The following GARS1 variants were observed in gnomAD, a reference collection of about 807,000 sequenced individuals.
GARS1 encodes glycine--tRNA ligase.
In GARS1, 46 loss-of-function variants were observed where a neutral mutation model predicts 86.4. The observed-to-expected ratio is 0.53, with a 90% confidence interval of 0.42 to 0.68. GARS1 has a LOEUF of 0.68. GARS1 is among the 30% of genes least tolerant of loss of function. GARS1 has a pLI of 0.00. For synonymous variants in GARS1, 342 were observed against 329.8 expected (o/e 1.04, Z -0.40); for missense variants, 797 against 915.6 (o/e 0.87, Z 1.67).
chr7:30,601,109 A>C lies in GARS1; in HGVS notation c.478A>C (p.Asn160His). ...GCCAGTTGGCTGTGCTTTGAAGAAC[A>C]ATATTATTCAGACCTGGAGGCAGCA... is the stretch of plus-strand genomic sequence containing the variant. ...FGPVGCALKNNIIQTWRQHFI... is the reference protein window; with the variant it reads ...FGPVGCALKNHIIQTWRQHFI... Residue 160 changes from asparagine (N) to histidine (H), a missense_variant, in exon 4 of 17, where the codon AAT becomes CAT. By Grantham distance (68) the Asn-to-His change is moderately conservative (BLOSUM62 1). Transcript: ENST00000389266. 6.2e-7 allele frequency: 1 copy of C among 1,614,058 alleles called. No individual in the cohort carries two copies.
chr7:30,628,597 C>G lies in GARS1; in HGVS notation c.1737C>G (p.Phe579Leu). 1 of 1,612,958 alleles carries G rather than the reference C, an allele frequency of 6.2e-7. No homozygotes were observed. Among genetic ancestry groups the G allele is most frequent in the Non-Finnish European group, 8.5e-7 (1 of 1,179,090 alleles). The change falls in exon 14 of 17, where the codon TTC (phenylalanine) becomes TTG (leucine). Residue 579 changes from phenylalanine to leucine, a missense_variant. Physicochemically the swap from Phe to Leu is conservative, Grantham distance 22 (BLOSUM62 0). This residue lies in a region of GARS1 where 598 missense variants were observed against 738.7 expected (regional missense o/e 0.81). Coordinates refer to ENST00000389266, the MANE Select transcript of GARS1 (RefSeq NM_002047.4). ...EVVPNVIEPSFGLGRIMYTVF... is the reference protein window; with the variant it reads ...EVVPNVIEPSLGLGRIMYTVF... ...TTCCGAATGTAATTGAACCTTCCTT[C>G]GGCCTGGGTAGGATCATGTATACGG...
At chr7:30,627,023 C>T (rs1453260353) in intron 13 of GARS1, 2 of 446,538 alleles carry the variant, frequency 4.5e-6, no homozygotes, top group Admixed American at 2.7e-5. Context: ...ATGTTGCATG[C>T]TTTTTTAAAA....
In GARS1 at chr7:30,633,917, C is replaced by G. The variant is rs1783288253; in HGVS notation, c.*57C>G. The stretch of plus-strand genomic sequence containing the variant: ...CTAATAAAAAAAAAAAAAAACTACT[C>G]TTATGTCCACTTTACAAAAGAAAAC... On this transcript the variant is annotated 3_prime_UTR_variant, in exon 17 of 17. Transcript: ENST00000389266. 1 of 1,496,830 alleles carries G rather than the reference C, an allele frequency of 6.7e-7. No individual in the cohort carries two copies. Among genetic ancestry groups the G allele is most frequent in the South Asian group, 1.2e-5 (1 of 86,464 alleles). 92.7% of individuals were successfully genotyped at this position (1,496,830 alleles called of 1,614,324 possible).
chr7:30,609,517 TATA>T, intron 6 of GARS1, 65 bp from the exon 7 acceptor site: 2 of 1,352,496 alleles, frequency 1.5e-6, no homozygotes. Context: ...TAGGGTTATA[TATA>T]ATACTTTATA....
At chr7:30,611,247 A>C (rs370677515) in intron 7 of GARS1, among the ~76,000 whole-genome samples, 1 of 152,182 alleles carries the variant, frequency 6.6e-6, no homozygotes, top group Non-Finnish European at 1.5e-5. Context: ...GATTTGAAAA[A>C]CATTGAAAAT....
intron 7 of GARS1, among the ~76,000 whole-genome samples, chr7:30,610,096 C>T (rs1791567254): frequency 6.6e-6 from 1 of 152,162 alleles, no homozygotes; most frequent in African/African-American, 2.4e-5. Flanking sequence ...TCCAACGGAA[C>T]TTTCTGCAGT....
At chr7:30,628,055 C>T (rs1359635576) in intron 13 of GARS1, among the ~76,000 whole-genome samples, 3 of 152,144 alleles carry the variant, frequency 2.0e-5, no homozygotes, top group Non-Finnish European at 2.9e-5. Flanking sequence ...CTCCAGCTTT[C>T]TCTTCAAAGG....
chr7:30,594,838 G>A (rs1421042523), upstream of GARS1: 8 of 1,215,812 alleles, frequency 6.6e-6, no homozygotes, highest in Admixed American at 2.3e-5. Context: ...CGTCGTTTAC[G>A]CGGCGATTTC....
At position 30,633,896 on chromosome 7, in the gene GARS1, T is replaced by TAA. The variant is rs70983380; in HGVS notation, c.*50_*51dup. ...GACAACTTTTGACCACTTGCGCTAA[T>TAA]AAAAAAAAAAAAAAACTACTCTTAT... On this transcript the variant is annotated 3_prime_UTR_variant, in exon 17 of 17. Transcript: ENST00000389266. 6.0e-4 allele frequency: 783 copies of TAA among 1,314,432 alleles called. No individual in the cohort carries two copies. The highest frequency in any genetic ancestry group is 1.2e-3 in the African/African-American group (77 of 64,866). 81.4% of individuals were successfully genotyped at this position (1,314,432 alleles called of 1,614,324 possible). A position where few individuals can be genotyped will look rare whatever the true frequency, so the allele number is the denominator to read the frequency against.
In GARS1 at chr7:30,628,584, T is replaced by C. The variant is rs181912750; in HGVS notation, c.1724T>C (p.Ile575Thr). Residue 575 changes from isoleucine (I) to threonine (T), a missense_variant, in exon 14 of 17, where the codon ATT (isoleucine) becomes ACT (threonine). By Grantham distance (89) the Ile-to-Thr change is moderately conservative (BLOSUM62 -1). Coordinates refer to ENST00000389266, the MANE Select transcript of GARS1 (RefSeq NM_002047.4). ...LYVEEVVPNV[I>T]EPSFGLGRIM... ...GTGGAAGAAGTTGTTCCGAATGTAA[T>C]TGAACCTTCCTTCGGCCTGGGTAGG... 3.6e-4 allele frequency: 586 copies of C among 1,612,408 alleles called. 1 individual carries two copies. The highest frequency in any genetic ancestry group is 5.3e-5 in the Non-Finnish European group (62 of 1,178,540).
intron 6 of GARS1, among the ~76,000 whole-genome samples, chr7:30,604,512 TGTC>T (rs1363167661): frequency 6.6e-6 from 1 of 150,472 alleles, no homozygotes; most frequent in East Asian, 2.0e-4. Flanking sequence ...TTTCCACTGT[TGTC>T]CTAATTTTTT....
chr7:30,612,902 C>A (rs975241815), intron 8 of GARS1, among the ~76,000 whole-genome samples: 1 of 152,160 alleles, frequency 6.6e-6, no homozygotes, highest in Non-Finnish European at 1.5e-5. Context: ...TATGACTCAG[C>A]TGTTTATGAC....
chr7:30,632,222 A>G lies in GARS1; in HGVS notation c.1904-25A>G. 6.2e-7 allele frequency: 1 copy of G among 1,611,110 alleles called. No individual in the cohort carries two copies. The highest frequency in any genetic ancestry group is 1.1e-5 in the South Asian group (1 of 90,854). On this transcript the variant is annotated intron_variant, in intron 15 of 16. Transcript: ENST00000389266. This position sits in a 1 kb window ranked among gnomAD's most constrained non-coding sequence, Gnocchi z 4.1. ...GGCTTAACTCCATTGTTTTATTTTT[A>G]ATTTACTTTGTTTATTTTGGATAGC...
At chr7:30,598,988 C>G (rs1791320616) in intron 2 of GARS1, 91 bp downstream of exon 2, 1 of 982,100 alleles carries the variant, frequency 1.0e-6, no homozygotes, top group South Asian at 1.4e-5. Flanking sequence ...AGAAAAGTTT[C>G]TGAACAAGTA....
rs1783029238 is a variant in GARS1 at position 30,622,348 on chromosome 7, G to A, written c.1499G>A (p.Ser500Asn). ...GTCAATGTTGTTCAGTTTGAACCCA[G>A]TAAGGGAGCAATTGGTAAGGCATAT... ...KTVNVVQFEP[S>N]KGAIGKAYKK... is the part of the protein sequence containing the mutation. The change falls in exon 12 of 17, where the codon AGT (serine) becomes AAT (asparagine). Residue 500 changes from serine (S) to asparagine (N), a missense_variant. This residue lies in a region of GARS1 where 598 missense variants were observed against 738.7 expected (regional missense o/e 0.81). Transcript: ENST00000389266. 6.2e-7 allele frequency: 1 copy of A among 1,614,152 alleles called. No homozygotes were observed. The highest frequency in any genetic ancestry group is 8.5e-7 in the Non-Finnish European group (1 of 1,180,018).
At chr7:30,633,168 G>A (rs960606060) in intron 16 of GARS1, among the ~76,000 whole-genome samples, 10 of 152,220 alleles carry the variant, frequency 6.6e-5, no homozygotes, top group African/African-American at 2.2e-4. Flanking sequence ...CCCCATCTGG[G>A]TGTGGTTCTC....
chr7:30,633,967 C>G lies in GARS1; in HGVS notation c.*107C>G, dbSNP rs554299783. ...CAGCATTGTGATTACTCCCAGGGAC[C>G]GTATTTTATCTTCAGTGGCTGCCTG... On this transcript the variant is annotated 3_prime_UTR_variant, in exon 17 of 17. Coordinates refer to ENST00000389266, the MANE Select transcript of GARS1 (RefSeq NM_002047.4). The G allele has an allele frequency of 3.2e-5, 44 of 1,356,236 alleles. No homozygotes were observed. In the African/African-American group the frequency reaches 6.0e-4, roughly 18 times the overall value. The allele number at this position is 1,356,236 out of a possible 1,614,324, so 84.0% of individuals were successfully genotyped here. A position where few individuals can be genotyped will look rare whatever the true frequency, so the allele number is the denominator to read the frequency against.
chr7:30,603,253 A>G (rs1791416599), intron 5 of GARS1, 131 bp downstream of exon 5: 2 of 783,732 alleles, frequency 2.6e-6, no homozygotes, highest in African/African-American at 1.8e-5. Context: ...TCTTAAGTAT[A>G]TAGATCAAGT....
In GARS1 at chr7:30,631,298, T is replaced by C. The variant is rs192248973; in HGVS notation, c.1810-150T>C. 66 of 605,520 alleles carry C rather than the reference T, an allele frequency of 1.1e-4. 1 individual carries two copies. Among genetic ancestry groups the C allele is most frequent in the Admixed American group, 1.0e-3 (44 of 42,882 alleles). 37.5% of individuals were successfully genotyped at this position (605,520 alleles called of 1,614,324 possible). ...TGCTGGTTCTGCTTCTCTTTTGCCA[T>C]ACTGCTTTTCATGTCATGTTTTCTG... is the stretch of plus-strand genomic sequence containing the variant. On this transcript the variant is annotated intron_variant, in intron 14 of 16. Transcript: ENST00000389266.
Sources: gnomAD v4.1 joint callset for allele counts (sites outside exome capture counted in the v4.1 genomes callset) on GRCh38, gnomAD v4.1.1 for gene constraint, gnomAD v4.1.1 regional missense constraint, Gnocchi (gnomAD v3.1) non-coding constraint, MANE v1.5 for transcripts, NCBI Gene and HGNC (gene_info 2026-07-23, HGNC 2026-07-21) for gene names.